NUMB: variants seen among roughly 807,000 people sequenced by gnomAD.
The protein encoded by NUMB is protein numb homolog.
In NUMB, 29 loss-of-function variants were observed where a neutral mutation model predicts 59.7. That is an observed-to-expected ratio of 0.49 (90% CI 0.36 to 0.66). NUMB has a LOEUF of 0.66. NUMB is among the 30% of genes least tolerant of loss of function. The pLI, the probability that NUMB is intolerant of heterozygous loss-of-function variation, is 0.00. For synonymous variants in NUMB, 288 were observed against 288.2 expected (o/e 1.00, Z 0.01); for missense variants, 723 against 822.0 (o/e 0.88, Z 1.47).
At chr14:73,417,022 A>G (rs912848812) in intron 1 of NUMB, among the ~76,000 whole-genome samples, 1 of 151,908 alleles carries the variant, frequency 6.6e-6, no homozygotes, top group Non-Finnish European at 1.5e-5. Flanking sequence ...GCATCTGAAC[A>G]TTGAGAGGAG....
chr14:73,374,517 G>A (rs1384162525), intron 2 of NUMB, among the ~76,000 whole-genome samples: 3 of 152,002 alleles, frequency 2.0e-5, no homozygotes, highest in East Asian at 3.9e-4. Flanking sequence ...TTCTTTCTCT[G>A]TCCAGATCCT....
intron 2 of NUMB, among the ~76,000 whole-genome samples, chr14:73,375,823 A>G (rs1463368741): frequency 6.6e-6 from 1 of 152,224 alleles, no homozygotes; most frequent in African/African-American, 2.4e-5. Context: ...GATCATCTCC[A>G]TAAATGCAGA....
rs1387052894 is a variant in NUMB at position 73,276,536 on chromosome 14, T to A, written c.*42A>T. ...TGCTCCTTTGACCGCTACCCCCTGCTCCCTGTCTGGTATGGACAAGATACA... is the reference window on the plus strand; with the variant it reads ...TGCTCCTTTGACCGCTACCCCCTGCACCCTGTCTGGTATGGACAAGATACA... On this transcript the variant is annotated 3_prime_UTR_variant, in exon 13 of 13. Coordinates refer to ENST00000555238, the MANE Select transcript of NUMB (RefSeq NM_001005743.2). 6.6e-7 allele frequency: 1 copy of A among 1,512,212 alleles called. No homozygotes were observed. The highest frequency in any genetic ancestry group is 1.8e-5 in the Admixed American group (1 of 56,934). 93.7% of individuals were successfully genotyped at this position (1,512,212 alleles called of 1,614,324 possible).
In NUMB at chr14:73,352,521, TATA is replaced by T. The variant is rs1893435870; in HGVS notation, c.126+3102_126+3104del. On this transcript the variant is annotated intron_variant, in intron 4 of 12. Coordinates refer to ENST00000555238, the MANE Select transcript of NUMB (RefSeq NM_001005743.2). ...ATATATATATATATATATATATATA[TATA>T]TATATGTTTTTTTTTTTTTTTTTTT... 8.0e-5 allele frequency among the ~76,000 whole-genome samples: 2 copies of T among 24,966 alleles called. 1 individual carries two copies. Among genetic ancestry groups the T allele is most frequent in the Non-Finnish European group, 1.5e-4 (2 of 13,346 alleles). The allele number at this position is 24,966 out of a possible 152,430, so 16.4% of individuals were successfully genotyped here.
intron 1 of NUMB, among the ~76,000 whole-genome samples, chr14:73,422,993 C>A (rs1354018858): frequency 2.6e-5 from 4 of 151,038 alleles, no homozygotes; most frequent in African/African-American, 9.8e-5. Flanking sequence ...TTATAACTGA[C>A]AGATATCATA....
At chr14:73,334,947 C>T (rs1483545321) in intron 4 of NUMB, among the ~76,000 whole-genome samples, 7 of 70,692 alleles carry the variant, frequency 9.9e-5, no homozygotes, top group African/African-American at 3.8e-4. Context: ...AAAACTCTGT[C>T]TCAAAAAAAA....
intron 1 of NUMB, among the ~76,000 whole-genome samples, chr14:73,439,784 A>G (rs192681945): frequency 6.6e-6 from 1 of 152,314 alleles, no homozygotes; most frequent in African/African-American, 2.4e-5. Flanking sequence ...AGAAAGAGAA[A>G]GGAACAGGTA....
At chr14:73,417,101 C>T (rs2140144182) in intron 1 of NUMB, among the ~76,000 whole-genome samples, 1 of 151,920 alleles carries the variant, frequency 6.6e-6, no homozygotes, top group Admixed American at 6.6e-5. Context: ...GATCATCTTC[C>T]CACTCCATCC....
chr14:73,363,510 C>G (rs1894186282), intron 3 of NUMB, among the ~76,000 whole-genome samples: 1 of 152,138 alleles, frequency 6.6e-6, no homozygotes, highest in African/African-American at 2.4e-5. Context: ...AAAGATCATT[C>G]TAGTCTTAAA....
intron 2 of NUMB, among the ~76,000 whole-genome samples, chr14:73,370,944 G>C (rs1894643428): frequency 6.6e-6 from 1 of 152,104 alleles, no homozygotes; most frequent in Admixed American, 6.5e-5. Context: ...CATTTCATCT[G>C]ATTTGCTTTA....
intron 4 of NUMB, among the ~76,000 whole-genome samples, chr14:73,325,097 T>G (rs1891594176): frequency 6.6e-6 from 1 of 152,210 alleles, no homozygotes; most frequent in Non-Finnish European, 1.5e-5. Context: ...GTCAATGTTA[T>G]TTCTGTAAAC....
rs142750348 is a variant in NUMB, at chr14:73,308,595, C to T, written c.234+7795G>A. On this transcript the variant is annotated intron_variant, in intron 6 of 12. Coordinates refer to ENST00000555238, the MANE Select transcript of NUMB (RefSeq NM_001005743.2). ...GGCCCCAAAGGCTGGGACCTTGATT[C>T]CTATGCTATATTGCTTGTAAGACGG... is the stretch of plus-strand genomic sequence containing the variant. 4.6e-5 allele frequency among the ~76,000 whole-genome samples: 7 copies of T among 152,232 alleles called. No homozygotes were observed. In the East Asian group the frequency reaches 1.4e-3, roughly 29 times the overall value.
chr14:73,444,398 C>CAAA lies in NUMB; in HGVS notation c.-233+14092_-233+14094dup, dbSNP rs568526693. On this transcript the variant is annotated intron_variant, in intron 1 of 12. Coordinates refer to ENST00000555238, the MANE Select transcript of NUMB (RefSeq NM_001005743.2). ...TAGGTAACAGAGCAAGACTCCATCTCAAAAAAAAAAAAAAAAAGTCAAAAT... is the reference window on the plus strand; with the variant it reads ...TAGGTAACAGAGCAAGACTCCATCTCAAAAAAAAAAAAAAAAAAAAGTCAAAAT... Among the ~76,000 whole-genome samples the CAAA allele has an allele frequency of 3.0e-3, 211 of 70,966 alleles. 1 individual carries two copies. The highest frequency in any genetic ancestry group is 9.4e-3 in the African/African-American group (196 of 20,774). 46.6% of individuals were successfully genotyped at this position (70,966 alleles called of 152,430 possible).
intron 5 of NUMB, among the ~76,000 whole-genome samples, chr14:73,317,650 G>T (rs17182342): frequency 0.27 from 40,915 of 151,996 alleles, 5,819 homozygotes; most frequent in African/African-American, 0.32. Flanking sequence ...CATTTATAAG[G>T]AAACAATTCT....
chr14:73,424,545 A>G (rs1383424065), intron 1 of NUMB, among the ~76,000 whole-genome samples: 3 of 152,210 alleles, frequency 2.0e-5, no homozygotes, highest in Non-Finnish European at 4.4e-5. Context: ...ATATGCACAC[A>G]GTAGTTTATA....
chr14:73,297,402 T>G (rs1889853222), intron 6 of NUMB, 117 bp from the exon 7 acceptor site: 1 of 689,382 alleles, frequency 1.5e-6, no homozygotes, highest in Non-Finnish European at 2.5e-6. Context: ...ACAGATGGAG[T>G]CCAAGTTCAG....
chr14:73,377,550 G>C (rs1037960039), intron 2 of NUMB, among the ~76,000 whole-genome samples: 1 of 152,172 alleles, frequency 6.6e-6, no homozygotes, highest in African/African-American at 2.4e-5. Flanking sequence ...TGAGGCAGAA[G>C]AATCACTTGA....
chr14:73,402,332 A>G (rs912635146), intron 2 of NUMB, among the ~76,000 whole-genome samples: 1 of 152,168 alleles, frequency 6.6e-6, no homozygotes, highest in Non-Finnish European at 1.5e-5. Context: ...TGTTATATGG[A>G]TCCTAAAACA....
intron 1 of NUMB, among the ~76,000 whole-genome samples, chr14:73,415,759 G>A (rs931415861): frequency 2.5e-4 from 38 of 152,062 alleles, no homozygotes; most frequent in Non-Finnish European, 2.4e-4. Flanking sequence ...GAGCCACCAC[G>A]TCCGGCCTCT....
Sources: gnomAD v4.1 joint callset for allele counts (sites outside exome capture counted in the v4.1 genomes callset) on GRCh38, gnomAD v4.1.1 for gene constraint, MANE v1.5 for transcripts, NCBI Gene and HGNC (gene_info 2026-07-23, HGNC 2026-07-21) for gene names.